TBCD: variants seen among roughly 807,000 people sequenced by gnomAD.
TBCD encodes tubulin-specific chaperone D.
A neutral mutation model predicts 169.3 loss-of-function variants in TBCD; 105 were observed. The ratio of observed to expected loss-of-function variants is 0.62; its 90% CI spans 0.53 to 0.73. The LOEUF (loss-of-function observed/expected upper bound fraction) is 0.73, where lower values mean the gene tolerates loss of function less well. TBCD is among the 30% of genes least tolerant of loss of function. TBCD has a pLI of 0.00. For missense variants in TBCD, 1,444 were observed against 1,600.1 expected (o/e 0.90, Z 1.66); for synonymous variants, 700 against 643.9 (o/e 1.09, Z -1.32).
chr17:82,780,947 ATTTGGGCTTTTGG>A (rs1319885929), intron 6 of TBCD, among the ~76,000 whole-genome samples: 4 of 151,824 alleles, frequency 2.6e-5, no homozygotes, highest in Non-Finnish European at 5.9e-5. Context: ...GCCCGGCCAG[ATTTGGGCTTTTGG>A]TTTGGGAGCT....
intron 17 of TBCD, among the ~76,000 whole-genome samples, chr17:82,900,166 C>A (rs1477571959): frequency 1.3e-5 from 2 of 152,240 alleles, no homozygotes; most frequent in South Asian, 2.1e-4. Flanking sequence ...CTGGAGCCCC[C>A]CCATGTCTGC....
At chr17:82,932,519 C>A in intron 33 of TBCD, 139 bp from the exon 34 acceptor site, 6 of 727,684 alleles carry the variant, frequency 8.2e-6, no homozygotes, top group Non-Finnish European at 7.2e-6. Context: ...TTTGTCTTTT[C>A]CTGAAGCTTT....
At chr17:82,770,982 A>C (rs2048279287) in intron 5 of TBCD, among the ~76,000 whole-genome samples, 3 of 140,230 alleles carry the variant, frequency 2.1e-5, no homozygotes, top group Non-Finnish European at 4.5e-5. Context: ...CGGGAAGCAG[A>C]GGTTGCAGTG....
intron 4 of TBCD, among the ~76,000 whole-genome samples, chr17:82,767,338 C>T (rs1702305414): frequency 6.6e-6 from 1 of 152,292 alleles, no homozygotes; most frequent in Middle Eastern, 3.4e-3. Flanking sequence ...GTACTTCTAG[C>T]GCCCCCCAGT....
At chr17:82,783,236 G>A (rs907581010) in intron 7 of TBCD, among the ~76,000 whole-genome samples, 2 of 152,154 alleles carry the variant, frequency 1.3e-5, no homozygotes, top group African/African-American at 4.8e-5. Flanking sequence ...ATGAGGAAAA[G>A]GTTTCAGACG....
At chr17:82,785,834 C>T (rs60423723) in intron 7 of TBCD, among the ~76,000 whole-genome samples, 90 of 69,930 alleles carry the variant, frequency 1.3e-3, no homozygotes, top group Middle Eastern at 0.011. Context: ...GACCACTGGA[C>T]CCGACCCATC....
At chr17:82,765,668 A>G (rs926962229) in intron 3 of TBCD, among the ~76,000 whole-genome samples, 1 of 152,222 alleles carries the variant, frequency 6.6e-6, no homozygotes, top group African/African-American at 2.4e-5. Flanking sequence ...GCGTGGTATC[A>G]CTGAGCTTCA....
At chr17:82,794,696 T>A (rs1358363019) in intron 7 of TBCD, among the ~76,000 whole-genome samples, 1 of 152,220 alleles carries the variant, frequency 6.6e-6, no homozygotes, top group Non-Finnish European at 1.5e-5. Flanking sequence ...ATGGCCTTAC[T>A]TTTCAGTGAA....
At chr17:82,894,853 T>G (rs1411409849) in intron 17 of TBCD, among the ~76,000 whole-genome samples, 1 of 152,148 alleles carries the variant, frequency 6.6e-6, no homozygotes, top group African/African-American at 2.4e-5. Flanking sequence ...GGCGGGTGCC[T>G]GTAATCCCAG....
At chr17:82,770,512 T>C (rs895986809) in intron 5 of TBCD, among the ~76,000 whole-genome samples, 11 of 150,840 alleles carry the variant, frequency 7.3e-5, no homozygotes, top group African/African-American at 2.4e-4. Flanking sequence ...GGCAGAAGAA[T>C]CGCTTGAACC....
intron 37 of TBCD, among the ~76,000 whole-genome samples, chr17:82,940,221 G>GCACACACACACACACACACACACA (rs71168175): frequency 1.7e-4 from 23 of 131,806 alleles, no homozygotes; most frequent in Admixed American, 1.1e-3. Flanking sequence ...TTGCACGCGC[G>GCACACACACACACACACACACACA]CACACACACA....
At chr17:82,799,707 C>A (rs1049136668) in intron 8 of TBCD, among the ~76,000 whole-genome samples, 4 of 152,188 alleles carry the variant, frequency 2.6e-5, no homozygotes, top group African/African-American at 9.7e-5. Context: ...TATGTCCTCA[C>A]CACACCCGAG....
intron 36 of TBCD, 43 bp from the exon 37 acceptor site, chr17:82,939,324 G>A (rs376513125): frequency 1.9e-4 from 292 of 1,509,866 alleles, no homozygotes; most frequent in Non-Finnish European, 2.6e-4. Context: ...GGGGTGGGGC[G>A]GTGGCGCTTC....
intron 14 of TBCD, among the ~76,000 whole-genome samples, chr17:82,872,524 GCTGT>G (rs2057652898): frequency 6.6e-6 from 1 of 152,260 alleles, no homozygotes; most frequent in South Asian, 2.1e-4. Context: ...CTGCAGCGCT[GCTGT>G]CTGTGTGCGG....
At chr17:82,830,872 T>A in intron 13 of TBCD, 1 of 1,612,314 alleles carries the variant, frequency 6.2e-7, no homozygotes, top group Non-Finnish European at 8.5e-7. Context: ...GTTCACAACA[T>A]TGAGGCTAGA....
rs762309970 is a variant in TBCD at position 82,814,951 on chromosome 17, C to T, written c.1318+17C>T. 24 of 1,597,768 alleles carry T rather than the reference C, an allele frequency of 1.5e-5. No individual in the cohort carries two copies. Among genetic ancestry groups the T allele is most frequent in the Admixed American group, 3.4e-5 (2 of 58,046 alleles). On this transcript the variant is annotated intron_variant, in intron 13 of 38. Coordinates refer to ENST00000355528, the MANE Select transcript of TBCD (RefSeq NM_005993.5). ...TCGTGGATGGTGAGTAGCTGAGGCACGGTCAGGGGGGATGTCTGGCGCTGG... is the reference window on the plus strand; with the variant it reads ...TCGTGGATGGTGAGTAGCTGAGGCATGGTCAGGGGGGATGTCTGGCGCTGG...
rs1287964233 is a variant in TBCD, at chr17:82,942,619, T to C, written c.*156T>C. 6.5e-6 allele frequency: 6 copies of C among 923,908 alleles called. No individual in the cohort carries two copies. In the African/African-American group the frequency reaches 8.3e-5, roughly 13 times the overall value. 57.2% of individuals were successfully genotyped at this position (923,908 alleles called of 1,614,324 possible). A position where few individuals can be genotyped will look rare whatever the true frequency, so the allele number is the denominator to read the frequency against. On this transcript the variant is annotated 3_prime_UTR_variant, in exon 39 of 39. Coordinates refer to ENST00000355528, the MANE Select transcript of TBCD (RefSeq NM_005993.5). ...GCACTAGCTGACAGCTTTTCCTCTC[T>C]GCACCTGCGCTCTGGTGACTTGGGG...
In TBCD at chr17:82,942,450, C is replaced by G. The variant is rs368769893; in HGVS notation, c.3566C>G (p.Pro1189Arg). Residue 1189 changes from proline to arginine, a missense_variant and splice_region_variant, in exon 39 of 39, where the codon CCT becomes CGT. Coordinates refer to ENST00000355528, the MANE Select transcript of TBCD (RefSeq NM_005993.5). ...GVPRPQLVPQ[P>R]GAC ...GAGCTTGTCTTGTCTCTTCTTCAGCCTGGTGCCTGCTGAAGCCAGTCCTGG... is the reference window on the plus strand; with the variant it reads ...GAGCTTGTCTTGTCTCTTCTTCAGCGTGGTGCCTGCTGAAGCCAGTCCTGG... The G allele has an allele frequency of 5.6e-6, 9 of 1,613,964 alleles. No homozygotes were observed. Among genetic ancestry groups the G allele is most frequent in the Non-Finnish European group, 7.6e-6 (9 of 1,179,876 alleles).
At chr17:82,852,199 C>T (rs1254917224) in intron 13 of TBCD, among the ~76,000 whole-genome samples, 2 of 147,162 alleles carry the variant, frequency 1.4e-5, no homozygotes, top group South Asian at 2.3e-4. Flanking sequence ...CTGTGTCTAC[C>T]CATTCTGGAC....
Sources: gnomAD v4.1 joint callset for allele counts (sites outside exome capture counted in the v4.1 genomes callset) on GRCh38, gnomAD v4.1.1 for gene constraint, MANE v1.5 for transcripts, NCBI Gene and HGNC (gene_info 2026-07-23, HGNC 2026-07-21) for gene names.